SUGCT: variants seen among roughly 807,000 people sequenced by gnomAD.
SUGCT encodes the protein succinyl-CoA:glutarate-CoA transferase.
In SUGCT, 41 loss-of-function variants were observed where a neutral mutation model predicts 55.0. That is an observed-to-expected ratio of 0.74 (90% CI 0.58 to 0.97). The LOEUF (loss-of-function observed/expected upper bound fraction) is 0.97, where lower values mean the gene tolerates loss of function less well. Among genes scored for constraint, SUGCT ranks in the 50% least tolerant of loss-of-function variants. SUGCT has a pLI of 0.00. For synonymous variants in SUGCT, 187 were observed against 200.4 expected (o/e 0.93, Z 0.56); for missense variants, 568 against 547.8 (o/e 1.04, Z -0.37).
chr7:40,245,199 C>T (rs1789734211), intron 7 of SUGCT, among the ~76,000 whole-genome samples: 1 of 150,034 alleles, frequency 6.7e-6, no homozygotes, highest in Admixed American at 6.7e-5. Context: ...GCATTACAGG[C>T]ACCTGCCACC....
intron 5 of SUGCT, among the ~76,000 whole-genome samples, chr7:40,193,442 G>A (rs1027146682): frequency 4.6e-5 from 7 of 151,064 alleles, no homozygotes; most frequent in Non-Finnish European, 7.4e-5. Context: ...GTGCCACCAC[G>A]TCCAGCTAAT....
At chr7:40,241,316 C>T (rs913080791) in intron 7 of SUGCT, among the ~76,000 whole-genome samples, 16 of 152,106 alleles carry the variant, frequency 1.1e-4, no homozygotes, top group Middle Eastern at 3.2e-3. Context: ...TGGTGGCTCA[C>T]GCCTGTAATC....
In SUGCT at chr7:40,164,439, T is replaced by C. The variant is rs111713926; in HGVS notation, c.101-16508T>C. ...CACTGCGCCCGGCCTGAATTGTTTA[T>C]GTAAAGAGAAAACATGGAAATTAAT... On this transcript the variant is annotated intron_variant, in intron 1 of 13. Transcript: ENST00000335693. 8.2e-3 allele frequency among the ~76,000 whole-genome samples: 1,242 copies of C among 152,294 alleles called. 12 individuals carry two copies. Among genetic ancestry groups the C allele is most frequent in the Admixed American group, 0.012 (186 of 15,298 alleles).
At chr7:40,890,717 G>A in the SUGCT span, among the ~76,000 whole-genome samples, 1 of 152,196 alleles carries the variant, frequency 6.6e-6, no homozygotes, top group African/African-American at 2.4e-5. Flanking sequence ...GTAAAGACTG[G>A]AGGAGGCACT....
At chr7:40,761,578 T>C (rs1788534910) in intron 13 of SUGCT, among the ~76,000 whole-genome samples, 1 of 152,176 alleles carries the variant, frequency 6.6e-6, no homozygotes. Flanking sequence ...TTTCTTTACT[T>C]TGACATTTCT....
At chr7:40,449,383 T>C (rs372047199) in intron 10 of SUGCT, 25 bp downstream of exon 10, 21 of 1,572,642 alleles carry the variant, frequency 1.3e-5, no homozygotes, top group East Asian at 9.0e-5. Flanking sequence ...TTGGGATTGG[T>C]CGATGATTTT....
intron 13 of SUGCT, among the ~76,000 whole-genome samples, chr7:40,858,381 C>T (rs1417181678): frequency 2.7e-5 from 2 of 74,790 alleles, no homozygotes; most frequent in Non-Finnish European, 4.7e-5. Context: ...CCAGCCTGGG[C>T]AACAAGAGCA....
intron 12 of SUGCT, among the ~76,000 whole-genome samples, chr7:40,497,533 G>A (rs1792049492): frequency 6.6e-6 from 1 of 152,146 alleles, no homozygotes; most frequent in Admixed American, 6.6e-5. Context: ...CATTTGGTGT[G>A]TACTATGTGA....
chr7:40,653,904 G>T (rs1800895051), intron 12 of SUGCT, among the ~76,000 whole-genome samples: 1 of 151,902 alleles, frequency 6.6e-6, no homozygotes, highest in Non-Finnish European at 1.5e-5. Context: ...GGACTCCTGT[G>T]TGACACAGTA....
intron 8 of SUGCT, among the ~76,000 whole-genome samples, chr7:40,303,560 T>G (rs532372987): frequency 3.1e-4 from 47 of 152,096 alleles, no homozygotes; most frequent in Non-Finnish European, 6.2e-4. Flanking sequence ...CTTGACTCAC[T>G]GCAACCTTTG....
the SUGCT span, among the ~76,000 whole-genome samples, chr7:40,879,004 G>C: frequency 5.3e-5 from 8 of 151,986 alleles, no homozygotes; most frequent in Non-Finnish European, 1.0e-4. Context: ...ATGTTGGCCA[G>C]GATGGTCTCG....
intron 9 of SUGCT, among the ~76,000 whole-genome samples, chr7:40,387,520 A>T (rs1785185846): frequency 6.6e-6 from 1 of 152,134 alleles, no homozygotes; most frequent in South Asian, 2.1e-4. Context: ...GTTTAATAGG[A>T]AAGAAGTTAG....
chr7:40,481,856 C>T (rs1424838566), intron 11 of SUGCT, among the ~76,000 whole-genome samples: 1 of 152,134 alleles, frequency 6.6e-6, no homozygotes, highest in African/African-American at 2.4e-5. Flanking sequence ...TGCAACTCTT[C>T]ACAAAGGGCT....
chr7:40,885,669 A>G, the SUGCT span, among the ~76,000 whole-genome samples: 3 of 152,184 alleles, frequency 2.0e-5, no homozygotes, highest in East Asian at 5.8e-4. Context: ...ATGACTCATC[A>G]ACCCAGAGTT....
the SUGCT span, among the ~76,000 whole-genome samples, chr7:40,918,318 G>A: frequency 3.3e-5 from 5 of 151,738 alleles, no homozygotes; most frequent in African/African-American, 9.7e-5. Flanking sequence ...AACATTAGCC[G>A]GGCATGGTGG....
chr7:40,454,882 G>A (rs1330595267), intron 10 of SUGCT, among the ~76,000 whole-genome samples: 1 of 152,134 alleles, frequency 6.6e-6, no homozygotes, highest in South Asian at 2.1e-4. Context: ...TTTACAGAAG[G>A]TAAATGTTGT....
intron 12 of SUGCT, among the ~76,000 whole-genome samples, chr7:40,748,928 G>A (rs1392921492): frequency 6.6e-6 from 1 of 152,128 alleles, no homozygotes; most frequent in Non-Finnish European, 1.5e-5. Context: ...TCCACCTCCA[G>A]CAGTCACCGA....
At chr7:41,033,714 G>A in the SUGCT span, among the ~76,000 whole-genome samples, 4 of 152,070 alleles carry the variant, frequency 2.6e-5, no homozygotes, top group African/African-American at 9.7e-5. Context: ...AGTTAGCAGA[G>A]CCCAGGAACT....
At chr7:41,009,339 A>G in the SUGCT span, among the ~76,000 whole-genome samples, 1 of 152,198 alleles carries the variant, frequency 6.6e-6, no homozygotes, top group African/African-American at 2.4e-5. Flanking sequence ...GGCTCAATGA[A>G]TAAAATGTTT....
Sources: allele counts gnomAD v4.1 joint callset (sites outside exome capture counted in the v4.1 genomes callset), GRCh38; gene constraint gnomAD v4.1.1; transcripts MANE v1.5; gene names NCBI Gene and HGNC (gene_info 2026-07-23, HGNC 2026-07-21).